The following PLCB1 variants were observed in gnomAD, a reference collection of about 807,000 sequenced individuals.
PLCB1 encodes 1-phosphatidylinositol 4,5-bisphosphate phosphodiesterase beta-1.
PLCB1 carries 46 observed loss-of-function variants against 161.8 expected under a neutral mutation model. The ratio of observed to expected loss-of-function variants is 0.28; its 90% confidence interval spans 0.22 to 0.36. The LOEUF (loss-of-function observed/expected upper bound fraction) is 0.36, where lower values mean the gene tolerates loss of function less well. PLCB1 is among the 10% of genes least tolerant of loss of function. The pLI is 1.00. For synonymous variants in PLCB1, 517 were observed against 503.7 expected (o/e 1.03, Z -0.35); for missense variants, 1,016 against 1,472.5 (o/e 0.69, Z 5.07).
intron 11 of PLCB1, among the ~76,000 whole-genome samples, chr20:8,701,256 G>A (rs142729223): frequency 2.4e-3 from 366 of 152,264 alleles, no homozygotes; most frequent in Admixed American, 3.3e-3. Context: ...GTTTCTTACT[G>A]CTTTCCCCCT....
At chr20:8,649,657 A>G (rs1404942767) in intron 7 of PLCB1, 3 of 543,196 alleles carry the variant, frequency 5.5e-6, no homozygotes, top group Non-Finnish European at 3.3e-6. Flanking sequence ...CTGAGCTAGC[A>G]TGTTCTTCCC....
At position 8,637,031 on chromosome 20, in the gene PLCB1, C is replaced by A. The variant is rs866446219; in HGVS notation, c.384+8600C>A. ...CCTGGAAGCAAGAACATGAGCACCA[C>A]AAAAAAAAAAAAAAAATCACCGTGA... is the stretch of plus-strand genomic sequence containing the variant. On this transcript the variant is annotated intron_variant, in intron 4 of 31. Transcript: ENST00000338037. Among the ~76,000 whole-genome samples the A allele has an allele frequency of 5.8e-3, 709 of 121,730 alleles. 3 individuals are homozygous for A. The highest frequency in any genetic ancestry group is 0.014 in the African/African-American group (445 of 32,262). The allele number at this position is 121,730 out of a possible 152,430, so 79.9% of individuals were successfully genotyped here. A position where few individuals can be genotyped will look rare whatever the true frequency, so the allele number is the denominator to read the frequency against.
At chr20:8,729,256 G>A (rs1223041702) in intron 18 of PLCB1, 82 bp downstream of exon 18, 19 of 1,267,770 alleles carry the variant, frequency 1.5e-5, no homozygotes, top group Non-Finnish European at 1.9e-5. Flanking sequence ...TTGGGGGAGA[G>A]AAAATTGCCA....
chr20:8,788,410 A>G (rs939473373), intron 27 of PLCB1, 39 bp from the exon 28 acceptor site: 2 of 1,582,178 alleles, frequency 1.3e-6, no homozygotes, highest in African/African-American at 2.7e-5. Flanking sequence ...CTCTGTTTGC[A>G]ATCATTTGAA....
chr20:8,161,538 A>G (rs907505080), intron 2 of PLCB1, among the ~76,000 whole-genome samples: 1 of 152,344 alleles, frequency 6.6e-6, no homozygotes, highest in Non-Finnish European at 1.5e-5. Context: ...TTGCTGTTTA[A>G]AGAACCTGTT....
chr20:8,703,721 G>A (rs891614059), intron 11 of PLCB1, among the ~76,000 whole-genome samples: 8 of 152,114 alleles, frequency 5.3e-5, no homozygotes, highest in Non-Finnish European at 8.8e-5. Context: ...GAACCCCAGT[G>A]GCCCAGCTGT....
At chr20:8,352,923 A>T (rs1287478635) in intron 2 of PLCB1, among the ~76,000 whole-genome samples, 1 of 152,180 alleles carries the variant, frequency 6.6e-6, no homozygotes, top group Non-Finnish European at 1.5e-5. Context: ...ATGCAGATGG[A>T]TGAATATAGA....
At chr20:8,768,134 ACTCCAG>A (rs1439710960) in intron 26 of PLCB1, among the ~76,000 whole-genome samples, 1 of 152,172 alleles carries the variant, frequency 6.6e-6, no homozygotes, top group Non-Finnish European at 1.5e-5. Context: ...GTGCCACTGC[ACTCCAG>A]CCTGGGCAAC....
chr20:8,381,152 A>G (rs1361342299), intron 3 of PLCB1, among the ~76,000 whole-genome samples: 1 of 152,198 alleles, frequency 6.6e-6, no homozygotes, highest in African/African-American at 2.4e-5. Flanking sequence ...TTTAGCATGA[A>G]GTGATGTTGA....
intron 2 of PLCB1, among the ~76,000 whole-genome samples, chr20:8,359,353 GT>G (rs556809215): frequency 2.6e-5 from 4 of 151,986 alleles, no homozygotes; most frequent in Non-Finnish European, 4.4e-5. Flanking sequence ...GTTATGGATA[GT>G]TTTTTTATTA....
chr20:8,354,473 T>C (rs752307769), intron 2 of PLCB1, among the ~76,000 whole-genome samples: 3 of 152,168 alleles, frequency 2.0e-5, no homozygotes, highest in Non-Finnish European at 4.4e-5. Context: ...AAATTAGTAC[T>C]CACGGTTTTC....
chr20:8,151,531 C>T (rs1003345449), intron 2 of PLCB1, among the ~76,000 whole-genome samples: 11 of 152,252 alleles, frequency 7.2e-5, no homozygotes, highest in Non-Finnish European at 1.3e-4. Context: ...AGACCCTACG[C>T]TAATGTCAAA....
chr20:8,159,826 A>G (rs189828777), intron 2 of PLCB1, among the ~76,000 whole-genome samples: 2 of 151,916 alleles, frequency 1.3e-5, no homozygotes, highest in East Asian at 3.9e-4. Context: ...CATCTCTACT[A>G]AAAACACAAA....
At chr20:8,846,925 A>G (rs539894836) in intron 31 of PLCB1, among the ~76,000 whole-genome samples, 1 of 152,258 alleles carries the variant, frequency 6.6e-6, no homozygotes, top group South Asian at 2.1e-4. Context: ...CTTGCCAACC[A>G]TCCATCTCAC....
At chr20:8,493,663 C>T (rs112655638) in intron 3 of PLCB1, among the ~76,000 whole-genome samples, 15,647 of 134,914 alleles carry the variant, frequency 0.12, 1,035 homozygotes, top group African/African-American at 0.14. Context: ...CAGGTAGTAG[C>T]CCTTACCTTG....
intron 23 of PLCB1, among the ~76,000 whole-genome samples, chr20:8,749,083 T>C (rs1981320577): frequency 6.6e-6 from 1 of 152,226 alleles, no homozygotes; most frequent in Non-Finnish European, 1.5e-5. Context: ...TTATGGCCCA[T>C]GGACCATATT....
At chr20:8,187,945 TTA>T (rs1000726226) in intron 2 of PLCB1, among the ~76,000 whole-genome samples, 15 of 152,188 alleles carry the variant, frequency 9.9e-5, no homozygotes, top group African/African-American at 3.6e-4. Flanking sequence ...TATGAATCAG[TTA>T]TTTGTGTAAC....
intron 13 of PLCB1, among the ~76,000 whole-genome samples, chr20:8,716,802 C>T (rs991938838): frequency 9.2e-5 from 14 of 152,186 alleles, no homozygotes; most frequent in Non-Finnish European, 1.9e-4. Flanking sequence ...ACTCAGGTCG[C>T]CCATTGCATT....
chr20:8,321,992 T>C (rs1255886614), intron 2 of PLCB1, among the ~76,000 whole-genome samples: 1 of 152,078 alleles, frequency 6.6e-6, no homozygotes, highest in Non-Finnish European at 1.5e-5. Context: ...GAAGCAGCCG[T>C]CCACTAGTTA....
Sources: allele counts gnomAD v4.1 joint callset (sites outside exome capture counted in the v4.1 genomes callset), GRCh38; gene constraint gnomAD v4.1.1; transcripts MANE v1.5; gene names NCBI Gene and HGNC (gene_info 2026-07-23, HGNC 2026-07-21).